The following IFT46 variants were observed in gnomAD, a reference collection of about 807,000 sequenced individuals.
IFT46 encodes intraflagellar transport protein 46 homolog.
IFT46 carries 19 observed loss-of-function variants against 39.6 expected under a neutral mutation model. The observed-to-expected ratio is 0.48, with a 90% confidence interval of 0.33 to 0.70. IFT46 has a LOEUF of 0.70. Among genes scored for constraint, IFT46 ranks in the 30% least tolerant of loss-of-function variants. The pLI, the probability that IFT46 is intolerant of heterozygous loss-of-function variation, is 0.01. For missense variants in IFT46, 334 were observed against 364.8 expected, an observed-to-expected ratio of 0.92 and a Z score of 0.69; for synonymous variants, 117 against 134.8, an observed-to-expected ratio of 0.87 and a Z score of 0.91.
Position 118,552,335 on chromosome 11 carries a change from G to T in IFT46, c.484C>A (p.Gln162Lys), listed in dbSNP as rs782706958. 1.2e-6 allele frequency: 2 copies of T among 1,613,990 alleles called. No individual in the cohort carries two copies. Among genetic ancestry groups the T allele is most frequent in the Admixed American group, 1.7e-5 (1 of 59,978 alleles). ...TENSKQHNIT[Q>K]HMKVKSLEDA... is the part of the protein sequence containing the mutation. ...TCTAGGCTTTTTACTTTCATATGTT[G>T]CTAGGAAAGTAAGGAGAAAGCCTAG... The change falls in exon 8 of 12, where the codon CAA (glutamine) becomes AAA (lysine). Residue 162 changes from glutamine (Q) to lysine (K), a missense_variant and splice_region_variant. Transcript: ENST00000264021.
At chr11:118,574,999 A>G (rs956400276), upstream of IFT46, among the ~76,000 whole-genome samples, 4 of 152,018 alleles carry the variant, frequency 2.6e-5, no homozygotes, top group Non-Finnish European at 5.9e-5. Context: ...TTGGTTTTCG[A>G]GACGGATTCT....
intron 1 of IFT46, chr11:118,572,503 C>G: frequency 6.2e-7 from 1 of 1,609,976 alleles, no homozygotes; most frequent in Non-Finnish European, 8.5e-7. Context: ...TACCCCTATC[C>G]CCAGTGGAGC....
At chr11:118,558,265 T>C (rs1009410029) in intron 3 of IFT46, among the ~76,000 whole-genome samples, 36 of 152,210 alleles carry the variant, frequency 2.4e-4, no homozygotes, top group Admixed American at 7.9e-4. Flanking sequence ...AAATTATCCT[T>C]AGTCACATAG....
At chr11:118,551,351 C>T (rs549603784) in intron 9 of IFT46, among the ~76,000 whole-genome samples, 2 of 148,092 alleles carry the variant, frequency 1.4e-5, no homozygotes, top group East Asian at 4.1e-4. Context: ...CCAGCCTGGG[C>T]GACAGAGAGA....
At chr11:118,574,534 A>C (rs1938437740), upstream of IFT46, among the ~76,000 whole-genome samples, 2 of 152,196 alleles carry the variant, frequency 1.3e-5, no homozygotes, top group South Asian at 4.2e-4. Context: ...TCATCCATCC[A>C]TCCCTCTCTC....
At chr11:118,557,728 T>C in intron 3 of IFT46, 1 of 1,613,908 alleles carries the variant, frequency 6.2e-7, no homozygotes, top group South Asian at 1.1e-5. Context: ...TTCTTGACAT[T>C]ATAACCTACC....
intron 2 of IFT46, chr11:118,561,122 T>A: frequency 1.3e-6 from 2 of 1,486,280 alleles, no homozygotes; most frequent in Non-Finnish European, 1.9e-6. Flanking sequence ...TACCTGCTAT[T>A]TGGATACAGG....
At chr11:118,571,503 C>G (rs1938334927) in intron 1 of IFT46, among the ~76,000 whole-genome samples, 2 of 152,144 alleles carry the variant, frequency 1.3e-5, no homozygotes, top group South Asian at 4.1e-4. Context: ...GAGGAACTGC[C>G]AAACTCTTTT....
upstream of IFT46, among the ~76,000 whole-genome samples, chr11:118,570,804 C>G (rs972849845): frequency 2.6e-4 from 40 of 152,254 alleles, no homozygotes; most frequent in African/African-American, 9.4e-4. Flanking sequence ...GCCCTGCTTC[C>G]AGTGCATGTT....
chr11:118,557,326 C>T, intron 3 of IFT46: 1 of 408,272 alleles, frequency 2.4e-6, no homozygotes, highest in Non-Finnish European at 4.3e-6. Context: ...TCTTCAGGGC[C>T]CTGTGTACAC....
chr11:118,557,853 C>T lies in IFT46; in HGVS notation c.46-808G>A, dbSNP rs782468178. The stretch of plus-strand genomic sequence containing the variant: ...TGGAACAGGGTCCATGTCTTTGCCT[C>T]TGTGGCCTGGAGCCTGTGGCATGCC... On this transcript the variant is annotated intron_variant, in intron 3 of 11. Coordinates refer to ENST00000264021, the MANE Select transcript of IFT46 (RefSeq NM_001168618.2). The T allele has an allele frequency of 2.4e-5, 38 of 1,612,988 alleles. No individual in the cohort carries two copies. In the East Asian group the frequency reaches 7.6e-4, roughly 32 times the overall value.
At chr11:118,553,607 A>G (rs1398435619) in intron 7 of IFT46, among the ~76,000 whole-genome samples, 1 of 152,216 alleles carries the variant, frequency 6.6e-6, no homozygotes, top group African/African-American at 2.4e-5. Context: ...TAGTTCTTCA[A>G]ATGGCTAAAC....
intron 11 of IFT46, 120 bp downstream of exon 11, chr11:118,545,289 G>A (rs984383648): frequency 1.7e-5 from 14 of 819,418 alleles, no homozygotes; most frequent in African/African-American, 1.4e-4. Context: ...GGGAAAGGGC[G>A]AAGGTAACTG....
chr11:118,559,917 A>C, intron 2 of IFT46, 53 bp from the exon 3 acceptor site: 3 of 1,084,846 alleles, frequency 2.8e-6, no homozygotes, highest in Non-Finnish European at 4.1e-6. Context: ...TTTTAAAAAC[A>C]AGTATTTTTT....
chr11:118,553,653 A>G (rs1487178124), intron 7 of IFT46, among the ~76,000 whole-genome samples: 1 of 152,218 alleles, frequency 6.6e-6, no homozygotes, highest in Non-Finnish European at 1.5e-5. Flanking sequence ...TTCTACTCCT[A>G]TGTATATACC....
intron 3 of IFT46, chr11:118,557,588 T>C (rs1404545095): frequency 1.2e-5 from 11 of 917,748 alleles, no homozygotes; most frequent in Middle Eastern, 3.4e-4. Flanking sequence ...CCAGGGACTA[T>C]GGACTTTCCA....
At chr11:118,546,657 A>AT (rs1213987258) in intron 9 of IFT46, 5 of 156,658 alleles carry the variant, frequency 3.2e-5, no homozygotes, top group African/African-American at 9.7e-5. Flanking sequence ...ACAACATGCT[A>AT]TTTTTTCCCC....
At chr11:118,576,134 G>A (rs1406324635), upstream of IFT46, among the ~76,000 whole-genome samples, 1 of 151,934 alleles carries the variant, frequency 6.6e-6, no homozygotes, top group African/African-American at 2.4e-5. Context: ...TAGTGGCAAA[G>A]GCAGAACAGA....
chr11:118,548,615 G>A (rs147226903), intron 9 of IFT46, among the ~76,000 whole-genome samples: 14 of 150,548 alleles, frequency 9.3e-5, no homozygotes, highest in East Asian at 4.0e-4. Context: ...CGCCCGCCTC[G>A]GCCTCCCAAA....
Sources: allele counts gnomAD v4.1 joint callset (sites outside exome capture counted in the v4.1 genomes callset), GRCh38; gene constraint gnomAD v4.1.1; transcripts MANE v1.5; gene names NCBI Gene and HGNC (gene_info 2026-07-23, HGNC 2026-07-21).